The following CDC7 variants were observed in gnomAD, a reference collection of about 807,000 sequenced individuals.
CDC7 encodes the protein cell division cycle 7-related protein kinase.
A neutral mutation model predicts 53.5 loss-of-function variants in CDC7; 34 were observed. That is an observed-to-expected ratio of 0.64 (90% CI 0.48 to 0.85). The LOEUF is 0.85. Among genes scored for constraint, CDC7 ranks in the 40% least tolerant of loss-of-function variants. The pLI is 0.00. For missense variants in CDC7, 594 were observed against 679.7 expected (o/e 0.87, Z 1.40); for synonymous variants, 211 against 222.8 (o/e 0.95, Z 0.47).
chr1:91,516,215 G>T (rs1360571710), intron 10 of CDC7, among the ~76,000 whole-genome samples: 1 of 151,902 alleles, frequency 6.6e-6, no homozygotes, highest in Non-Finnish European at 1.5e-5. Context: ...AAAAAATTAT[G>T]TTTAATAGTT....
intron 4 of CDC7, among the ~76,000 whole-genome samples, chr1:91,510,073 G>A (rs1158220772): frequency 6.6e-6 from 1 of 152,010 alleles, no homozygotes; most frequent in Non-Finnish European, 1.5e-5. Flanking sequence ...AAATTATCCA[G>A]GCAAGGTGGC....
Position 91,513,102 on chromosome 1 carries a change from C to A in CDC7, c.617C>A (p.Thr206Lys). ...DFGLAQGTHD[T>K]KIELLKFVQS... ...GGTTTGGCCCAAGGAACCCATGATA[C>A]GAAAATAGAGCTTCTTAAATTTGTC... The change falls in exon 7 of 12, where the codon ACG becomes AAG. Residue 206 changes from threonine to lysine, a missense_variant. Physicochemically the swap from Thr to Lys is moderately conservative, Grantham distance 78 (BLOSUM62 -1). Coordinates refer to ENST00000234626, the MANE Select transcript of CDC7 (RefSeq NM_003503.4). 1 of 1,613,298 alleles carries A rather than the reference C, an allele frequency of 6.2e-7. No individual in the cohort carries two copies. The highest frequency in any genetic ancestry group is 1.3e-5 in the African/African-American group (1 of 74,940).
At position 91,515,010 on chromosome 1, in the gene CDC7, G is replaced by C. The variant is rs775906630; in HGVS notation, c.1097+13G>C. 6.2e-7 allele frequency: 1 copy of C among 1,600,556 alleles called. No homozygotes were observed. On this transcript the variant is annotated intron_variant, in intron 9 of 11. Coordinates refer to ENST00000234626, the MANE Select transcript of CDC7 (RefSeq NM_003503.4). ...TTTGCCTTTCAAGGTAATGTGTTTT[G>C]ATGGTGTTATAAAATCACCAGCATG...
Position 91,524,560 on chromosome 1 carries a change from T to G in CDC7, c.*125T>G, listed in dbSNP as rs1444461990. Reference sequence around the variant, plus strand: ...TAATTTATTTTAACATTTTAGTGTTTGGTGGCACATTCTAAAATATAGATT... The same window carrying G: ...TAATTTATTTTAACATTTTAGTGTTGGGTGGCACATTCTAAAATATAGATT... On this transcript the variant is annotated 3_prime_UTR_variant, in exon 12 of 12. Coordinates refer to ENST00000234626, the MANE Select transcript of CDC7 (RefSeq NM_003503.4). 2.8e-6 allele frequency: 2 copies of G among 717,816 alleles called. No individual in the cohort carries two copies. Among genetic ancestry groups the G allele is most frequent in the African/African-American group, 1.8e-5 (1 of 56,058 alleles). 44.5% of individuals were successfully genotyped at this position (717,816 alleles called of 1,614,324 possible).
chr1:91,506,633 T>A (rs940663295), intron 2 of CDC7, among the ~76,000 whole-genome samples: 1 of 152,182 alleles, frequency 6.6e-6, no homozygotes, highest in African/African-American at 2.4e-5. Flanking sequence ...GCTGAGCATT[T>A]TTTAAGACAG....
intron 4 of CDC7, among the ~76,000 whole-genome samples, chr1:91,508,846 C>T: frequency 6.6e-6 from 1 of 152,170 alleles, no homozygotes; most frequent in East Asian, 1.9e-4. Context: ...TCCTAAACTG[C>T]CCTCCTTCTT....
intron 10 of CDC7, among the ~76,000 whole-genome samples, chr1:91,516,501 G>C (rs917914132): frequency 2.0e-5 from 3 of 152,124 alleles, no homozygotes; most frequent in African/African-American, 7.2e-5. Flanking sequence ...TTGAATGTCT[G>C]TTCTTGCTTG....
At position 91,514,217 on chromosome 1, in the gene CDC7, T is replaced by C. The variant is rs186600897; in HGVS notation, c.918+174T>C. On this transcript the variant is annotated intron_variant, in intron 8 of 11. Transcript: ENST00000234626. Reference sequence around the variant, plus strand: ...CAAAACTTGTTTTCTCCAGTTTTTTTCTGAACTTTTCTGGTGGAATTTTTT... The same window carrying C: ...CAAAACTTGTTTTCTCCAGTTTTTTCCTGAACTTTTCTGGTGGAATTTTTT... 8.5e-4 allele frequency among the ~76,000 whole-genome samples: 130 copies of C among 152,326 alleles called. 1 individual carries two copies. Among genetic ancestry groups the C allele is most frequent in the African/African-American group, 3.0e-3 (123 of 41,596 alleles).
Position 91,524,274 on chromosome 1 carries a change from G to A in CDC7, c.1564G>A (p.Glu522Lys), listed in dbSNP as rs750735926. 1 of 1,614,100 alleles carries A rather than the reference G, an allele frequency of 6.2e-7. No individual in the cohort carries two copies. Among genetic ancestry groups the A allele is most frequent in the South Asian group, 1.1e-5 (1 of 91,084 alleles). Residue 522 changes from glutamate to lysine, a missense_variant, in exon 12 of 12, where the codon GAG becomes AAG. Glu to Lys is a moderately conservative substitution (Grantham distance 56, BLOSUM62 1). Transcript: ENST00000234626. ...SFKKGDSNSC[E>K]HCFDEYNTNL... is the part of the protein sequence containing the mutation. ...TAAAAAGGGGGATAGTAATAGCTGT[G>A]AGCATTGTTTTGATGAGTATAATAC...
chr1:91,515,979 G>A (rs1473433245), intron 10 of CDC7, 103 bp downstream of exon 10: 13 of 943,016 alleles, frequency 1.4e-5, no homozygotes, highest in Non-Finnish European at 2.1e-5. Context: ...GAGTTCTTCT[G>A]CTTTTAATTA....
intron 2 of CDC7, 29 bp from the exon 3 acceptor site, chr1:91,507,824 TA>T (rs1168755080): frequency 1.6e-6 from 2 of 1,226,248 alleles, no homozygotes; most frequent in Non-Finnish European, 2.3e-6. Context: ...TGTCATTGAT[TA>T]AAACTCTAAA....
chr1:91,503,368 A>G (rs962689395), intron 2 of CDC7, among the ~76,000 whole-genome samples: 1 of 152,218 alleles, frequency 6.6e-6, no homozygotes, highest in Non-Finnish European at 1.5e-5. Flanking sequence ...AATAGGGAGC[A>G]AAGCTGATGA....
At chr1:91,501,901 C>A in intron 2 of CDC7, 70 bp downstream of exon 2, 1 of 1,085,574 alleles carries the variant, frequency 9.2e-7, no homozygotes, top group Non-Finnish European at 1.4e-6. Flanking sequence ...TTTTCAATTC[C>A]TCTCAAAAAA....
chr1:91,510,642 T>C (rs901655126), intron 4 of CDC7, among the ~76,000 whole-genome samples: 6 of 152,214 alleles, frequency 3.9e-5, no homozygotes, highest in African/African-American at 1.4e-4. Context: ...TACCACTTTT[T>C]CTTTTTCTGT....
chr1:91,501,027 C>CTCGCCGTGCAGTTCGTTTTG (rs1175436828), intron 1 of CDC7, 79 bp downstream of exon 1: 6 of 152,318 alleles, frequency 3.9e-5, no homozygotes, highest in Admixed American at 1.3e-4. Flanking sequence ...CTTCGGTTTT[C>CTCGCCGTGCAGTTCGTTTTG]TCGCCGTGCA....
At chr1:91,522,302 T>C (rs897409395) in intron 11 of CDC7, among the ~76,000 whole-genome samples, 2 of 152,248 alleles carry the variant, frequency 1.3e-5, no homozygotes, top group Non-Finnish European at 2.9e-5. Flanking sequence ...AACACAACTG[T>C]GTTCCCCTTT....
chr1:91,513,145 G>C lies in CDC7; in HGVS notation c.660G>C (p.Gln220His). The C allele has an allele frequency of 6.2e-7, 1 of 1,613,636 alleles. No homozygotes were observed. Among genetic ancestry groups the C allele is most frequent in the Non-Finnish European group, 8.5e-7 (1 of 1,179,744 alleles). The change falls in exon 7 of 12, where the codon CAG becomes CAC. Residue 220 changes from glutamine (Q) to histidine (H), a missense_variant. Transcript: ENST00000234626. ...LLKFVQSEAQ[Q>H]ERCSQNKSHI... ...AATTTGTCCAGTCTGAAGCTCAGCA[G>C]GAAAGGTGTTCACAAAACAAATCCC...
Position 91,513,309 on chromosome 1 carries a change from TTCTA to T in CDC7, c.822+6_822+9del, listed in dbSNP as rs1038209870. ...ATTAAACAAGGAAAAGACGGAAAGGTTCTATCTCTTTTATTTCTTAAGTACCGAC... is the reference window on the plus strand; with the variant it reads ...ATTAAACAAGGAAAAGACGGAAAGGTTCTCTTTTATTTCTTAAGTACCGAC... On this transcript the variant is annotated splice_donor_5th_base_variant and intron_variant, in intron 7 of 11. Coordinates refer to ENST00000234626, the MANE Select transcript of CDC7 (RefSeq NM_003503.4). 2 of 1,610,870 alleles carry T rather than the reference TTCTA, an allele frequency of 1.2e-6. No homozygotes were observed. Among genetic ancestry groups the T allele is most frequent in the African/African-American group, 1.3e-5 (1 of 74,648 alleles).
rs1426601000 is a variant in CDC7, at chr1:91,525,731, T to C, written c.*1296T>C. ...AAAAATTTGAATGCTCTTGAATTTG[T>C]ATATTCAATAAAGTTATCCTTTTAT... On this transcript the variant is annotated 3_prime_UTR_variant, in exon 12 of 12. Transcript: ENST00000234626. 1.3e-5 allele frequency: 2 copies of C among 152,116 alleles called. No individual in the cohort carries two copies. The highest frequency in any genetic ancestry group is 2.9e-5 in the Non-Finnish European group (2 of 67,968). The allele number at this position is 152,116 out of a possible 1,614,324, so 9.4% of individuals were successfully genotyped here.
Sources: allele counts gnomAD v4.1 joint callset (sites outside exome capture counted in the v4.1 genomes callset), GRCh38; gene constraint gnomAD v4.1.1; transcripts MANE v1.5; gene names NCBI Gene and HGNC (gene_info 2026-07-23, HGNC 2026-07-21).